CSMD1: variants seen among roughly 807,000 people sequenced by gnomAD.
CSMD1 encodes the protein CUB and sushi domain-containing protein 1.
In CSMD1, 213 loss-of-function variants were observed where a neutral mutation model predicts 417.5. That is an observed-to-expected ratio of 0.51 (90% CI 0.46 to 0.57). The LOEUF is 0.57. Ranked by LOEUF, CSMD1 falls within the 20% of genes least tolerant of loss-of-function variation. CSMD1 has a pLI of 0.00. For synonymous variants in CSMD1, 2,862 were observed against 1,736.8 expected (o/e 1.65, Z -16.11); for missense variants, 6,923 against 4,529.7 (o/e 1.53, Z -15.17).
intron 1 of CSMD1, among the ~76,000 whole-genome samples, chr8:4,890,202 C>T (rs948502865): frequency 1.3e-5 from 2 of 152,108 alleles, no homozygotes; most frequent in African/African-American, 2.4e-5. Context: ...ATCTCATAAA[C>T]ACACTTGATC....
chr8:4,841,926 A>AAAAAAAAAAAAAAC (rs1800862881), intron 1 of CSMD1, among the ~76,000 whole-genome samples: 2 of 142,062 alleles, frequency 1.4e-5, no homozygotes, highest in African/African-American at 2.7e-5. Context: ...AAAAAAAAAA[A>AAAAAAAAAAAAAAC]AAAAAAAAAA....
At chr8:4,124,906 A>G (rs1480550128) in intron 3 of CSMD1, among the ~76,000 whole-genome samples, 1 of 152,176 alleles carries the variant, frequency 6.6e-6, no homozygotes, top group Non-Finnish European at 1.5e-5. Context: ...AAGGAGATAT[A>G]AGCATAAGAC....
At chr8:4,082,906 T>C (rs1434366402) in intron 3 of CSMD1, among the ~76,000 whole-genome samples, 1 of 151,868 alleles carries the variant, frequency 6.6e-6, no homozygotes, top group African/African-American at 2.4e-5. Context: ...ACAATGATTA[T>C]TTCCAATTTC....
At chr8:4,714,027 C>T (rs193170070) in intron 1 of CSMD1, among the ~76,000 whole-genome samples, 1 of 152,046 alleles carries the variant, frequency 6.6e-6, no homozygotes, top group African/African-American at 2.4e-5. Context: ...TGCCTGTAAT[C>T]CCAGCTACTC....
At chr8:4,350,257 A>C (rs1336301017) in intron 3 of CSMD1, among the ~76,000 whole-genome samples, 3 of 152,186 alleles carry the variant, frequency 2.0e-5, no homozygotes, top group Admixed American at 6.5e-5. Flanking sequence ...AACAACTGGA[A>C]GCCTCACTCT....
chr8:4,727,269 G>C (rs1327074857), intron 1 of CSMD1, among the ~76,000 whole-genome samples: 1 of 152,148 alleles, frequency 6.6e-6, no homozygotes, highest in Non-Finnish European at 1.5e-5. Context: ...ACCAGTTAAT[G>C]TCTACCGGTG....
intron 3 of CSMD1, among the ~76,000 whole-genome samples, chr8:4,229,710 CT>C (rs897575896): frequency 6.6e-6 from 1 of 152,110 alleles, no homozygotes; most frequent in African/African-American, 2.4e-5. Context: ...GCCCCTTCCT[CT>C]TGCTTGACCC....
chr8:3,660,622 G>C (rs564416717), intron 7 of CSMD1, among the ~76,000 whole-genome samples: 9 of 150,602 alleles, frequency 6.0e-5, no homozygotes, highest in South Asian at 4.2e-4. Context: ...CCAGGTTCAA[G>C]CGATTCTCCT....
chr8:3,490,900 A>C (rs767994483), intron 11 of CSMD1, among the ~76,000 whole-genome samples: 2 of 152,140 alleles, frequency 1.3e-5, no homozygotes, highest in Non-Finnish European at 2.9e-5. Context: ...GTAATTTGTC[A>C]ACAAAAAAGA....
chr8:4,469,019 C>G (rs1158672261), intron 2 of CSMD1, among the ~76,000 whole-genome samples: 3 of 152,084 alleles, frequency 2.0e-5, no homozygotes, highest in Admixed American at 6.6e-5. Context: ...AAAAAAAGTT[C>G]AAAAGACAAT....
chr8:4,180,772 G>A (rs562305560), intron 3 of CSMD1, among the ~76,000 whole-genome samples: 1 of 152,060 alleles, frequency 6.6e-6, no homozygotes, highest in African/African-American at 2.4e-5. Context: ...CTAACATTGT[G>A]TTAATCTAAT....
intron 3 of CSMD1, among the ~76,000 whole-genome samples, chr8:4,343,370 T>G (rs992259050): frequency 6.6e-6 from 1 of 151,982 alleles, no homozygotes; most frequent in Non-Finnish European, 1.5e-5. Context: ...GTGACTGAAT[T>G]TAATATTCTC....
At chr8:4,556,859 C>T (rs1798114524) in intron 2 of CSMD1, among the ~76,000 whole-genome samples, 1 of 152,098 alleles carries the variant, frequency 6.6e-6, no homozygotes, top group African/African-American at 2.4e-5. Context: ...GTAACTAATA[C>T]GTATAATGCA....
At chr8:4,567,746 T>G (rs1477533115) in intron 2 of CSMD1, among the ~76,000 whole-genome samples, 1 of 152,162 alleles carries the variant, frequency 6.6e-6, no homozygotes, top group Non-Finnish European at 1.5e-5. Flanking sequence ...CTATCTACAT[T>G]GCACTTATAT....
chr8:4,261,349 CTAAGAACATCTTCTCAGAA>C (rs1415683247), intron 3 of CSMD1, among the ~76,000 whole-genome samples: 1 of 152,076 alleles, frequency 6.6e-6, no homozygotes, highest in Non-Finnish European at 1.5e-5. Flanking sequence ...GATGTGGAAT[CTAAGAACATCTTCTCAGAA>C]ATAGAGATTA....
intron 2 of CSMD1, among the ~76,000 whole-genome samples, chr8:4,464,104 T>A (rs2129976660): frequency 6.6e-6 from 1 of 152,192 alleles, no homozygotes. Flanking sequence ...TCTAAAAGAA[T>A]GAGATAGAGC....
chr8:4,953,769 TTCTC>T (rs1289066062), intron 1 of CSMD1, among the ~76,000 whole-genome samples: 9 of 152,212 alleles, frequency 5.9e-5, no homozygotes, highest in African/African-American at 1.4e-4. Context: ...GCAAGGCTAA[TTCTC>T]TCTGTCTTTG....
chr8:4,168,562 C>A (rs757340040), intron 3 of CSMD1, among the ~76,000 whole-genome samples: 1 of 151,924 alleles, frequency 6.6e-6, no homozygotes, highest in Non-Finnish European at 1.5e-5. Context: ...AGATGAGAAG[C>A]AGAAGGACAA....
At chr8:4,596,494 T>A (rs1281596302) in intron 2 of CSMD1, among the ~76,000 whole-genome samples, 1 of 152,174 alleles carries the variant, frequency 6.6e-6, no homozygotes, top group Non-Finnish European at 1.5e-5. Flanking sequence ...AAATTTTATG[T>A]ATAACACACA....
Sources: allele counts gnomAD v4.1 joint callset (sites outside exome capture counted in the v4.1 genomes callset), GRCh38; gene constraint gnomAD v4.1.1; transcripts MANE v1.5; gene names NCBI Gene and HGNC (gene_info 2026-07-23, HGNC 2026-07-21).